NEO1: variants seen among roughly 807,000 people sequenced by gnomAD.
NEO1 encodes neogenin 1.
Under a neutral mutation model 159.7 loss-of-function variants are expected in NEO1, and 63 were observed. The observed-to-expected ratio is 0.39, with a 90% CI of 0.32 to 0.49. The LOEUF is 0.49. NEO1 is among the 20% of genes least tolerant of loss of function. NEO1 has a pLI of 0.85. For synonymous variants in NEO1, 633 were observed against 662.0 expected (o/e 0.96, Z 0.67); for missense variants, 1,615 against 1,831.0 (o/e 0.88, Z 2.15).
intron 1 of NEO1, among the ~76,000 whole-genome samples, chr15:73,056,966 A>C (rs1370009820): frequency 6.6e-6 from 1 of 152,202 alleles, no homozygotes; most frequent in East Asian, 1.9e-4. Flanking sequence ...TGATTTTCAT[A>C]AACTGTATGA....
chr15:73,081,583 T>A (rs970080735), intron 1 of NEO1, among the ~76,000 whole-genome samples: 1 of 147,412 alleles, frequency 6.8e-6, no homozygotes, highest in African/African-American at 2.5e-5. Flanking sequence ...AAGTGTTTTG[T>A]TTTTTTTTTT....
intron 1 of NEO1, among the ~76,000 whole-genome samples, chr15:73,083,123 A>C (rs1039079307): frequency 6.6e-6 from 1 of 152,216 alleles, no homozygotes; most frequent in African/African-American, 2.4e-5. Context: ...GGACTTCATC[A>C]TGAGAGTAAT....
At chr15:73,271,240 T>C (rs1479486387) in intron 18 of NEO1, among the ~76,000 whole-genome samples, 1 of 152,236 alleles carries the variant, frequency 6.6e-6, no homozygotes, top group African/African-American at 2.4e-5. Flanking sequence ...GTTTGCTTTC[T>C]TTGCCAACCA....
At chr15:73,103,550 CA>C (rs1222685287) in intron 1 of NEO1, among the ~76,000 whole-genome samples, 1 of 152,180 alleles carries the variant, frequency 6.6e-6, no homozygotes, top group Non-Finnish European at 1.5e-5. Context: ...GTACTTTGTA[CA>C]TATCCTGTCA....
intron 16 of NEO1, among the ~76,000 whole-genome samples, chr15:73,267,003 A>T (rs969006417): frequency 6.6e-6 from 1 of 152,228 alleles, no homozygotes; most frequent in African/African-American, 2.4e-5. Flanking sequence ...TCATGCCTGT[A>T]ATCCCAGCAG....
intron 1 of NEO1, among the ~76,000 whole-genome samples, chr15:73,108,865 G>A (rs573140415): frequency 1.1e-4 from 17 of 152,266 alleles, no homozygotes; most frequent in Admixed American, 2.6e-4. Flanking sequence ...AGGCCCCAGC[G>A]TGAGAAAGGA....
intron 5 of NEO1, among the ~76,000 whole-genome samples, chr15:73,149,813 A>G (rs1434370885): frequency 6.6e-6 from 1 of 152,190 alleles, no homozygotes; most frequent in Admixed American, 6.5e-5. Context: ...AAAAATCAGG[A>G]TATTTGGGAT....
chr15:73,083,759 C>T (rs113526837), intron 1 of NEO1, among the ~76,000 whole-genome samples: 27 of 152,162 alleles, frequency 1.8e-4, no homozygotes, highest in Middle Eastern at 3.4e-3. Context: ...AGCTGTATGG[C>T]CATAGGTAAG....
intron 15 of NEO1, among the ~76,000 whole-genome samples, chr15:73,262,199 G>A (rs1456600328): frequency 6.6e-6 from 1 of 152,108 alleles, no homozygotes; most frequent in East Asian, 1.9e-4. Context: ...ATGACTTTGG[G>A]ATAGGCAAGG....
intron 1 of NEO1, among the ~76,000 whole-genome samples, chr15:73,072,427 C>T (rs185180546): frequency 6.6e-6 from 1 of 152,244 alleles, no homozygotes; most frequent in East Asian, 1.9e-4. Context: ...ATCTGAAAGT[C>T]TCATGTATAC....
chr15:73,122,410 C>G, intron 2 of NEO1, 115 bp from the exon 3 acceptor site: 1 of 930,018 alleles, frequency 1.1e-6, no homozygotes, highest in East Asian at 2.7e-5. Flanking sequence ...TTCTTCTCAA[C>G]CCTGGTTCTG....
chr15:73,062,192 TC>T (rs1183334036), intron 1 of NEO1, among the ~76,000 whole-genome samples: 3 of 152,164 alleles, frequency 2.0e-5, no homozygotes, highest in Non-Finnish European at 2.9e-5. Context: ...TTTTCAGACT[TC>T]CTAGTCTTTT....
At chr15:73,231,403 G>T (rs12902768) in intron 7 of NEO1, among the ~76,000 whole-genome samples, 1 of 151,918 alleles carries the variant, frequency 6.6e-6, no homozygotes, top group East Asian at 1.9e-4. Context: ...CAGTAAGCCT[G>T]CTGTTTGTCT....
intron 1 of NEO1, among the ~76,000 whole-genome samples, chr15:73,073,270 C>A (rs1364656508): frequency 6.6e-6 from 1 of 152,114 alleles, no homozygotes; most frequent in Non-Finnish European, 1.5e-5. Context: ...ATTGGAGAGT[C>A]TTTTGCATTT....
chr15:73,301,859 G>A (rs1264419167), intron 28 of NEO1, among the ~76,000 whole-genome samples: 2 of 152,056 alleles, frequency 1.3e-5, no homozygotes, highest in African/African-American at 2.4e-5. Flanking sequence ...AATAGAGATG[G>A]GGTTTCACTA....
chr15:73,260,557 C>A (rs1016424010), intron 15 of NEO1, 92 bp downstream of exon 15: 9 of 1,160,602 alleles, frequency 7.8e-6, no homozygotes, highest in Admixed American at 3.0e-5. Context: ...AAGAAAATTG[C>A]GAAAATAGTA....
At chr15:73,112,569 A>AT (rs1365503512) in intron 1 of NEO1, among the ~76,000 whole-genome samples, 2 of 151,926 alleles carry the variant, frequency 1.3e-5, no homozygotes, top group African/African-American at 2.4e-5. Context: ...TATCACTTGC[A>AT]TTTTTTATAG....
intron 22 of NEO1, among the ~76,000 whole-genome samples, chr15:73,280,387 C>G (rs976981776): frequency 6.6e-6 from 1 of 152,168 alleles, no homozygotes; most frequent in Non-Finnish European, 1.5e-5. Flanking sequence ...CTCACTCTTG[C>G]TGTATCTTAG....
intron 27 of NEO1, among the ~76,000 whole-genome samples, chr15:73,299,677 G>A (rs567225378): frequency 1.2e-4 from 19 of 152,314 alleles, no homozygotes; most frequent in Non-Finnish European, 2.6e-4. Context: ...GAGCCACTGC[G>A]CCCAGCCGAA....
Sources: allele counts gnomAD v4.1 joint callset (sites outside exome capture counted in the v4.1 genomes callset), GRCh38; gene constraint gnomAD v4.1.1; transcripts MANE v1.5; gene names NCBI Gene and HGNC (gene_info 2026-07-23, HGNC 2026-07-21).